FUS: variants seen among roughly 807,000 people sequenced by gnomAD.
The protein encoded by FUS is RNA-binding protein FUS.
A neutral mutation model predicts 82.7 loss-of-function variants in FUS; 5 were observed. The ratio of observed to expected loss-of-function variants is 0.06; its 90% CI spans 0.03 to 0.13. The LOEUF is 0.13. Ranked by LOEUF, FUS falls within the 10% of genes least tolerant of loss-of-function variation. The pLI, the probability that FUS is intolerant of heterozygous loss-of-function variation, is 1.00. For synonymous variants in FUS, 281 were observed against 247.4 expected, an observed-to-expected ratio of 1.14 and a Z score of -1.27; for missense variants, 512 against 707.8, an observed-to-expected ratio of 0.72 and a Z score of 3.14.
chr16:31,186,398 C>G, intron 6 of FUS: 2 of 365,036 alleles, frequency 5.5e-6, no homozygotes, highest in East Asian at 4.5e-5. Flanking sequence ...AAAATGTGTT[C>G]AAGGCTACCC....
chr16:31,180,198 T>G lies in FUS; in HGVS notation c.-17T>G. On this transcript the variant is annotated 5_prime_UTR_variant, in exon 1 of 15. Transcript: ENST00000254108. ...TGGAACTTCGTTGCTTGCTTGCCTG[T>G]GCGCGCGTGCGCGGACATGGCCTCA... 1 of 1,610,838 alleles carries G rather than the reference T, an allele frequency of 6.2e-7. No homozygotes were observed. The highest frequency in any genetic ancestry group is 8.5e-7 in the Non-Finnish European group (1 of 1,178,552).
chr16:31,181,583 T>G (rs1248207387), intron 1 of FUS, among the ~76,000 whole-genome samples: 1 of 152,156 alleles, frequency 6.6e-6, no homozygotes, highest in Non-Finnish European at 1.5e-5. Context: ...CCGGGATTGG[T>G]CAAAGAGTGA....
At chr16:31,194,427 G>A (rs1281302847), downstream of FUS, 12 of 508,048 alleles carry the variant, frequency 2.4e-5, no homozygotes, top group East Asian at 3.4e-4. Flanking sequence ...TAGCTGGGAC[G>A]GGACTACAGG....
At chr16:31,193,606 AT>A (rs1038998488), downstream of FUS, 3 of 529,502 alleles carry the variant, frequency 5.7e-6, no homozygotes, top group African/African-American at 5.6e-5. Flanking sequence ...GGCATATGTG[AT>A]TGGCCTTGAC....
At chr16:31,190,177 T>C in intron 11 of FUS, 36 bp downstream of exon 11, 3 of 1,613,514 alleles carry the variant, frequency 1.9e-6, no homozygotes, top group Non-Finnish European at 1.7e-6. Flanking sequence ...AGAGGGGTAA[T>C]GGGGAGAGTG....
At chr16:31,182,162 TG>T in intron 1 of FUS, 1 of 534,468 alleles carries the variant, frequency 1.9e-6, no homozygotes, top group Admixed American at 3.1e-5. Flanking sequence ...GCTAATTTTT[TG>T]TATTTTTATT....
downstream of FUS, chr16:31,193,025 G>A (rs1446005747): frequency 2.7e-5 from 13 of 484,756 alleles, no homozygotes; most frequent in Admixed American, 4.6e-5. Flanking sequence ...GCAATGGCAC[G>A]TTTTTCGGCT....
chr16:31,190,735 T>TC lies in FUS; in HGVS notation c.1293-5dup. ...GCTCCAGACTGATTGTCTTCCTTTC[T>TC]CCTTAGCACCTGTGAGAATATGAAC... On this transcript the variant is annotated splice_region_variant and splice_polypyrimidine_tract_variant and intron_variant, in intron 12 of 14. Transcript: ENST00000254108. 8.1e-6 allele frequency: 13 copies of TC among 1,613,336 alleles called. No individual in the cohort carries two copies. Among genetic ancestry groups the TC allele is most frequent in the Non-Finnish European group, 1.1e-5 (13 of 1,179,232 alleles).
At chr16:31,193,378 C>A (rs2079385943), downstream of FUS, 2 of 525,934 alleles carry the variant, frequency 3.8e-6, no homozygotes, top group Non-Finnish European at 7.4e-6. Flanking sequence ...GCAGTTCTCT[C>A]CGTCCCTGCC....
At chr16:31,194,164 A>G (rs1420212739), downstream of FUS, 1 of 530,700 alleles carries the variant, frequency 1.9e-6, no homozygotes, top group East Asian at 3.9e-5. Context: ...CAGTACTTGG[A>G]TGTAGGGCTG....
intron 7 of FUS, 22 bp from the exon 8 acceptor site, chr16:31,188,301 TTC>T (rs1381985364): frequency 6.2e-7 from 1 of 1,610,500 alleles, no homozygotes; most frequent in South Asian, 1.1e-5. Flanking sequence ...TTTTTTTTTG[TTC>T]TTTTTTTCCA....
At chr16:31,183,069 C>T (rs550640009) in intron 3 of FUS, 11 of 296,686 alleles carry the variant, frequency 3.7e-5, no homozygotes, top group African/African-American at 8.7e-5. Flanking sequence ...ATTTCTTTTC[C>T]GTGAAACAGT....
intron 12 of FUS, 83 bp downstream of exon 12, chr16:31,190,481 C>T: frequency 2.5e-6 from 4 of 1,595,098 alleles, no homozygotes; most frequent in Non-Finnish European, 3.4e-6. Context: ...GCGTGTTTTC[C>T]AAAGAAGTAA....
chr16:31,186,598 CTG>C (rs2079273993), intron 6 of FUS: 3 of 615,528 alleles, frequency 4.9e-6, no homozygotes, highest in South Asian at 3.9e-5. Context: ...TCTTTATAAA[CTG>C]TGTCTGAGAA....
At position 31,190,953 on chromosome 16, in the gene FUS, T is replaced by C; in HGVS notation, c.1394-10T>C. ...TGGGAATATGATAGATCTTGTTTCT[T>C]TTGTCCTAGGGGGTAACTACGGGGA... On this transcript the variant is annotated splice_polypyrimidine_tract_variant and intron_variant, in intron 13 of 14. Transcript: ENST00000254108. 1 of 1,610,444 alleles carries C rather than the reference T, an allele frequency of 6.2e-7. No individual in the cohort carries two copies. The highest frequency in any genetic ancestry group is 2.2e-5 in the East Asian group (1 of 44,780).
Position 31,184,390 on chromosome 16 carries a change from G to A in FUS, c.517G>A (p.Gly173Ser). The A allele has an allele frequency of 6.2e-7, 1 of 1,613,618 alleles. No individual in the cohort carries two copies. Among genetic ancestry groups the A allele is most frequent in the Non-Finnish European group, 8.5e-7 (1 of 1,179,732 alleles). Reference protein sequence around the residue: ...SSSGGGGGGGGGGNYGQDQSS... With the variant: ...SSSGGGGGGGSGGNYGQDQSS... Reference sequence around the variant, plus strand: ...CAGTGGTGGTGGAGGTGGAGGTGGAGGTGGAGGTGAGATGTCTTCAGCTTT... The same window carrying A: ...CAGTGGTGGTGGAGGTGGAGGTGGAAGTGGAGGTGAGATGTCTTCAGCTTT... The change falls in exon 5 of 15, where the codon GGT (glycine) becomes AGT (serine). Residue 173 changes from glycine (G) to serine (S), a missense_variant. Physicochemically the swap from Gly to Ser is moderately conservative, Grantham distance 56. Coordinates refer to ENST00000254108, the MANE Select transcript of FUS (RefSeq NM_004960.4).
rs2079315029 is a variant in FUS, at chr16:31,189,145, C to T, written c.855C>T (p.Asn285=). 1 of 1,613,586 alleles carries T rather than the reference C, an allele frequency of 6.2e-7. No individual in the cohort carries two copies. The highest frequency in any genetic ancestry group is 8.5e-7 in the Non-Finnish European group (1 of 1,179,662). Residue 285 remains asparagine (N), a synonymous_variant, in exon 9 of 15, where the codon AAC becomes AAT. Transcript: ENST00000254108. ...CAGAACAGGATAATTCAGACAACAACACCATCTTTGTGCAAGGCCTGGGTG... is the reference window on the plus strand; with the variant it reads ...CAGAACAGGATAATTCAGACAACAATACCATCTTTGTGCAAGGCCTGGGTG... ...HDSEQDNSDN[N]TIFVQGLGEN...
At chr16:31,189,561 G>T (rs2144132014) in intron 9 of FUS, 104 bp from the exon 10 acceptor site, 1 of 1,489,830 alleles carries the variant, frequency 6.7e-7, no homozygotes, top group Non-Finnish European at 9.3e-7. Flanking sequence ...GGGAAGAGGG[G>T]AGCTGAAGTT....
At chr16:31,184,113 C>T in intron 4 of FUS, 96 bp from the exon 5 acceptor site, 1 of 1,612,510 alleles carries the variant, frequency 6.2e-7, no homozygotes. Flanking sequence ...GGTAGGGGAG[C>T]CTGTGTTGGG....
Sources: gnomAD v4.1 joint callset for allele counts (sites outside exome capture counted in the v4.1 genomes callset) on GRCh38, gnomAD v4.1.1 for gene constraint, MANE v1.5 for transcripts, NCBI Gene and HGNC (gene_info 2026-07-23, HGNC 2026-07-21) for gene names.